The following MSI2 variants were observed in gnomAD, a reference collection of about 807,000 sequenced individuals.
The protein encoded by MSI2 is musashi RNA binding protein 2.
A neutral mutation model predicts 45.6 loss-of-function variants in MSI2; 17 were observed. The ratio of observed to expected loss-of-function variants is 0.37; its 90% CI spans 0.26 to 0.56. MSI2 has a LOEUF of 0.56. Ranked by LOEUF, MSI2 falls within the 20% of genes least tolerant of loss-of-function variation. MSI2 has a pLI of 0.77. For synonymous variants in MSI2, 156 were observed against 158.2 expected, an observed-to-expected ratio of 0.99 and a Z score of 0.11; for missense variants, 293 against 444.2, an observed-to-expected ratio of 0.66 and a Z score of 3.06.
intron 5 of MSI2, among the ~76,000 whole-genome samples, chr17:57,294,980 T>C (rs1238779294): frequency 2.6e-5 from 4 of 152,060 alleles, no homozygotes; most frequent in African/African-American, 9.7e-5. Flanking sequence ...GGGCGAAGGA[T>C]GCTAAAGGTG....
At chr17:57,639,676 CT>C (rs1910103606) in intron 10 of MSI2, among the ~76,000 whole-genome samples, 1 of 152,234 alleles carries the variant, frequency 6.6e-6, no homozygotes, top group Non-Finnish European at 1.5e-5. Flanking sequence ...CACCCTGAGT[CT>C]GAGCAGATGC....
chr17:57,511,318 A>T (rs1304337099), intron 6 of MSI2, among the ~76,000 whole-genome samples: 2 of 152,224 alleles, frequency 1.3e-5, no homozygotes, highest in Non-Finnish European at 2.9e-5. Context: ...ATGTGAAGTG[A>T]GTAGAATAAA....
chr17:57,672,468 T>C (rs1912869594), intron 11 of MSI2, among the ~76,000 whole-genome samples: 1 of 152,194 alleles, frequency 6.6e-6, no homozygotes, highest in African/African-American at 2.4e-5. Context: ...GTGGGCATGC[T>C]ACATCCTGTC....
chr17:57,470,276 T>TTTTATTTA (rs55643404), intron 6 of MSI2, among the ~76,000 whole-genome samples: 4 of 151,170 alleles, frequency 2.6e-5, no homozygotes, highest in Admixed American at 1.3e-4. Context: ...ATATTGAAAT[T>TTTTATTTA]TTTATTTATT....
At chr17:57,567,708 G>T (rs1479062315) in intron 7 of MSI2, among the ~76,000 whole-genome samples, 1 of 152,216 alleles carries the variant, frequency 6.6e-6, no homozygotes, top group Non-Finnish European at 1.5e-5. Context: ...GGGAAGTCGG[G>T]GGTCTTCCTG....
chr17:57,605,033 T>C (rs1044748054), intron 8 of MSI2, among the ~76,000 whole-genome samples: 2 of 152,224 alleles, frequency 1.3e-5, no homozygotes, highest in African/African-American at 4.8e-5. Flanking sequence ...TGTAGCATCA[T>C]TCTCACTCGT....
At chr17:57,349,860 A>C (rs1598155690) in intron 5 of MSI2, among the ~76,000 whole-genome samples, 1 of 152,244 alleles carries the variant, frequency 6.6e-6, no homozygotes, top group Non-Finnish European at 1.5e-5. Flanking sequence ...AGGAAGATAT[A>C]TACTGAAAAA....
At chr17:57,609,089 C>G (rs1906968254) in intron 8 of MSI2, among the ~76,000 whole-genome samples, 2 of 152,150 alleles carry the variant, frequency 1.3e-5, no homozygotes, top group African/African-American at 4.8e-5. Context: ...ACACTTTACA[C>G]TTGAGTAGCA....
At chr17:57,487,416 A>G (rs1052631737) in intron 6 of MSI2, among the ~76,000 whole-genome samples, 17 of 152,130 alleles carry the variant, frequency 1.1e-4, no homozygotes, top group Admixed American at 1.1e-3. Flanking sequence ...TTGCACCCAA[A>G]AAAACTGCTT....
At chr17:57,276,164 C>T (rs538673746) in intron 5 of MSI2, among the ~76,000 whole-genome samples, 9 of 152,318 alleles carry the variant, frequency 5.9e-5, no homozygotes, top group Non-Finnish European at 1.2e-4. Flanking sequence ...AAACCCATGT[C>T]ATCATTGCTA....
At chr17:57,474,721 T>C (rs1304627490) in intron 6 of MSI2, among the ~76,000 whole-genome samples, 1 of 152,002 alleles carries the variant, frequency 6.6e-6, no homozygotes, top group Non-Finnish European at 1.5e-5. Flanking sequence ...TTTTTGTTTT[T>C]GTTTTTGTTT....
chr17:57,453,477 C>T (rs1033096460), intron 6 of MSI2, among the ~76,000 whole-genome samples: 3 of 152,120 alleles, frequency 2.0e-5, no homozygotes, highest in African/African-American at 7.2e-5. Flanking sequence ...CTAGAACTTC[C>T]TATGTGGTGA....
chr17:57,324,380 G>C (rs1913615241), intron 5 of MSI2, among the ~76,000 whole-genome samples: 1 of 152,132 alleles, frequency 6.6e-6, no homozygotes, highest in African/African-American at 2.4e-5. Context: ...GGCTCCCGCG[G>C]TCATATACTC....
intron 5 of MSI2, among the ~76,000 whole-genome samples, chr17:57,331,601 G>A (rs1914283625): frequency 1.3e-5 from 2 of 152,176 alleles, no homozygotes; most frequent in Non-Finnish European, 2.9e-5. Context: ...CATCTATGCA[G>A]TATAGACGTG....
intron 5 of MSI2, among the ~76,000 whole-genome samples, chr17:57,364,741 C>A (rs1917065423): frequency 1.3e-5 from 2 of 152,092 alleles, no homozygotes; most frequent in African/African-American, 2.4e-5. Flanking sequence ...GTGGGAAAGA[C>A]CTCCAGCTCC....
chr17:57,582,875 G>A (rs72833098), intron 7 of MSI2, among the ~76,000 whole-genome samples: 15,139 of 152,148 alleles, frequency 0.1, 936 homozygotes, highest in Middle Eastern at 0.15. Context: ...CTGCAGATAT[G>A]AGAGCTTTTG....
intron 11 of MSI2, among the ~76,000 whole-genome samples, chr17:57,669,110 T>G (rs1372213993): frequency 6.6e-6 from 1 of 152,242 alleles, no homozygotes; most frequent in African/African-American, 2.4e-5. Flanking sequence ...CCGAGTATTC[T>G]CCTTCCATTA....
intron 5 of MSI2, among the ~76,000 whole-genome samples, chr17:57,314,930 A>C (rs1026587967): frequency 1.1e-4 from 17 of 152,294 alleles, no homozygotes; most frequent in African/African-American, 3.8e-4. Flanking sequence ...TTTGAGAAAC[A>C]TGAGTCCAGA....
At chr17:57,475,745 A>G (rs1225911169) in intron 6 of MSI2, among the ~76,000 whole-genome samples, 1 of 152,140 alleles carries the variant, frequency 6.6e-6, no homozygotes, top group Non-Finnish European at 1.5e-5. Context: ...GGAGCCCCAG[A>G]TAGGAGCTAG....
Sources: allele counts gnomAD v4.1 joint callset (sites outside exome capture counted in the v4.1 genomes callset), GRCh38; gene constraint gnomAD v4.1.1; transcripts MANE v1.5; gene names NCBI Gene and HGNC (gene_info 2026-07-23, HGNC 2026-07-21).